Variants in MYO5B observed in about 807,000 individuals in gnomAD.
The protein encoded by MYO5B is unconventional myosin-Vb.
In MYO5B, 143 loss-of-function variants were observed where a neutral mutation model predicts 229.3. The ratio of observed to expected loss-of-function variants is 0.62; its 90% CI spans 0.54 to 0.72. The LOEUF (loss-of-function observed/expected upper bound fraction) is 0.72, where lower values mean the gene tolerates loss of function less well. Among genes scored for constraint, MYO5B ranks in the 30% least tolerant of loss-of-function variants. The pLI is 0.00. For missense variants in MYO5B, 2,321 were observed against 2,331.0 expected, an observed-to-expected ratio of 1.00 and a Z score of 0.09; for synonymous variants, 918 against 885.2, an observed-to-expected ratio of 1.04 and a Z score of -0.66.
At chr18:50,123,374 T>C (rs886501020) in intron 1 of MYO5B, among the ~76,000 whole-genome samples, 13 of 152,186 alleles carry the variant, frequency 8.5e-5, no homozygotes, top group African/African-American at 2.9e-4. Context: ...GTGGATGAAC[T>C]GAATACTACT....
At chr18:49,914,309 G>T (rs535940346) in intron 17 of MYO5B, among the ~76,000 whole-genome samples, 1 of 152,176 alleles carries the variant, frequency 6.6e-6, no homozygotes, top group East Asian at 1.9e-4. Flanking sequence ...GCAGCAAACA[G>T]AGAGCCACAC....
At chr18:50,108,377 C>T (rs956801888) in intron 1 of MYO5B, among the ~76,000 whole-genome samples, 5 of 152,078 alleles carry the variant, frequency 3.3e-5, no homozygotes, top group Non-Finnish European at 7.4e-5. Context: ...TGTTCATGTC[C>T]CTATGTGTTG....
chr18:49,923,170 T>G (rs1217612), intron 17 of MYO5B, among the ~76,000 whole-genome samples: 91,500 of 151,984 alleles, frequency 0.6, 27,621 homozygotes, highest in Middle Eastern at 0.67. Flanking sequence ...GCAGGCAGTC[T>G]CTACACCCTT....
In MYO5B at chr18:49,864,326, T is replaced by G. The variant is rs200596676; in HGVS notation, c.3658A>C (p.Arg1220=). The change falls in exon 28 of 40, where the codon AGG becomes CGG. Residue 1220 remains arginine, a synonymous_variant. Coordinates refer to ENST00000285039, the MANE Select transcript of MYO5B (RefSeq NM_001080467.3). ...GTGGCTTGGTCGGCCACGGCTTTCC[T>G]CAGCTCATTCAGGTCATTCTTCAGC... ...KKLKNDLNEL[R]KAVADQATQN... The G allele has an allele frequency of 1.9e-6, 3 of 1,614,158 alleles. No individual in the cohort carries two copies. In the East Asian group the frequency reaches 6.7e-5, roughly 36 times the overall value.
intron 14 of MYO5B, among the ~76,000 whole-genome samples, chr18:49,940,746 T>C: frequency 6.6e-6 from 1 of 152,188 alleles, no homozygotes; most frequent in East Asian, 1.9e-4. Flanking sequence ...CAAGGGTTTG[T>C]TTTCAGCAAG....
chr18:50,145,433 G>T lies in MYO5B; in HGVS notation c.27+49334C>A, dbSNP rs565147498. On this transcript the variant is annotated intron_variant, in intron 1 of 39. Coordinates refer to ENST00000285039, the MANE Select transcript of MYO5B (RefSeq NM_001080467.3). ...ACCCGGGAGGCAGAGCTTGCAGTGA[G>T]CCGAGATTGAGCTGAGATCACACCA... Among the ~76,000 whole-genome samples the T allele has an allele frequency of 8.5e-5, 12 of 141,036 alleles. No individual in the cohort carries two copies. The East Asian group carries it at 2.3e-3, about 28-fold the overall frequency. 92.5% of individuals were successfully genotyped at this position (141,036 alleles called of 152,430 possible).
intron 1 of MYO5B, chr18:50,064,435 C>T (rs1192903434): frequency 6.6e-6 from 1 of 152,206 alleles, no homozygotes; most frequent in Non-Finnish European, 1.5e-5. Context: ...CTGTTAAAAT[C>T]CTACTTCCAT....
At chr18:49,942,620 A>C (rs1185843997) in intron 14 of MYO5B, among the ~76,000 whole-genome samples, 1 of 152,092 alleles carries the variant, frequency 6.6e-6, no homozygotes, top group African/African-American at 2.4e-5. Flanking sequence ...AAAAATGCTC[A>C]TCATCACTGG....
chr18:50,074,245 A>C (rs2144454733), intron 1 of MYO5B, among the ~76,000 whole-genome samples: 1 of 152,292 alleles, frequency 6.6e-6, no homozygotes, highest in Admixed American at 6.5e-5. Flanking sequence ...TGAGAATAGC[A>C]CGGGAAAGAC....
Position 50,195,071 on chromosome 18 carries a change from G to A in MYO5B, c.-278C>T, listed in dbSNP as rs2033284987. ...GCCGCACCACTCCCCTCCCAGGTGTGGGGAGGAGGCGAGGGCCGGCGAGGA... is the reference window on the plus strand; with the variant it reads ...GCCGCACCACTCCCCTCCCAGGTGTAGGGAGGAGGCGAGGGCCGGCGAGGA... On this transcript the variant is annotated 5_prime_UTR_variant, in exon 1 of 40. Transcript: ENST00000285039. 7 of 313,526 alleles carry A rather than the reference G, an allele frequency of 2.2e-5. No homozygotes were observed. The highest frequency in any genetic ancestry group is 8.7e-4 in the Middle Eastern group (1 of 1,156). 19.4% of individuals were successfully genotyped at this position (313,526 alleles called of 1,614,324 possible).
intron 1 of MYO5B, among the ~76,000 whole-genome samples, chr18:50,105,763 G>C (rs1473251982): frequency 1.3e-5 from 2 of 151,960 alleles, no homozygotes; most frequent in Non-Finnish European, 1.5e-5. Context: ...ACAAGGCCTT[G>C]CATATGCCAT....
chr18:50,121,720 T>C (rs1251247569), intron 1 of MYO5B, among the ~76,000 whole-genome samples: 2 of 152,134 alleles, frequency 1.3e-5, no homozygotes, highest in Non-Finnish European at 2.9e-5. Flanking sequence ...AAAGACCCTA[T>C]AGCCCCACAA....
intron 7 of MYO5B, among the ~76,000 whole-genome samples, chr18:49,989,991 C>T (rs2025911772): frequency 6.6e-6 from 1 of 152,180 alleles, no homozygotes; most frequent in African/African-American, 2.4e-5. Context: ...TCTAGAGCCA[C>T]CCCTGCTTTA....
chr18:49,860,989 A>AT (rs1248907668), intron 29 of MYO5B, among the ~76,000 whole-genome samples: 1 of 152,068 alleles, frequency 6.6e-6, no homozygotes, highest in Non-Finnish European at 1.5e-5. Flanking sequence ...CAATGCTGGG[A>AT]TTTGCAGCAA....
chr18:50,083,029 G>A (rs535773336), intron 1 of MYO5B, among the ~76,000 whole-genome samples: 18 of 152,286 alleles, frequency 1.2e-4, no homozygotes, highest in South Asian at 4.1e-4. Context: ...CCTGTATTCC[G>A]GGAGTTCCCA....
intron 21 of MYO5B, 78 bp from the exon 22 acceptor site, chr18:49,895,252 T>A (rs913072808): frequency 1.8e-5 from 22 of 1,255,564 alleles, no homozygotes; most frequent in East Asian, 2.3e-5. Flanking sequence ...GGAAAAAGCA[T>A]GAAGGCAATC....
At chr18:49,959,312 A>T (rs944412482) in intron 12 of MYO5B, among the ~76,000 whole-genome samples, 1 of 152,168 alleles carries the variant, frequency 6.6e-6, no homozygotes, top group Non-Finnish European at 1.5e-5. Flanking sequence ...TTCCGTGAAC[A>T]TGTGGTTTCT....
chr18:50,077,759 AG>A (rs2031123071), intron 1 of MYO5B, among the ~76,000 whole-genome samples: 1 of 152,216 alleles, frequency 6.6e-6, no homozygotes, highest in African/African-American at 2.4e-5. Flanking sequence ...CACAGAGGAA[AG>A]AACAGTTGAA....
intron 17 of MYO5B, among the ~76,000 whole-genome samples, chr18:49,923,759 T>A (rs1255696008): frequency 1.3e-5 from 2 of 152,168 alleles, no homozygotes; most frequent in African/African-American, 4.8e-5. Context: ...TATTGAACAA[T>A]TCATTCTGTT....
Sources: allele counts gnomAD v4.1 joint callset (sites outside exome capture counted in the v4.1 genomes callset), GRCh38; gene constraint gnomAD v4.1.1; transcripts MANE v1.5; gene names NCBI Gene and HGNC (gene_info 2026-07-23, HGNC 2026-07-21).